The following ZNF268 variants were observed in gnomAD, a reference collection of about 807,000 sequenced individuals.
ZNF268 encodes zinc finger protein 3.
In ZNF268, 20 loss-of-function variants were observed where a neutral mutation model predicts 29.3. The ratio of observed to expected loss-of-function variants is 0.68; its 90% confidence interval spans 0.48 to 0.99. The LOEUF (loss-of-function observed/expected upper bound fraction) is 0.99, where lower values mean the gene tolerates loss of function less well. Ranked by LOEUF, ZNF268 falls within the 50% of genes least tolerant of loss-of-function variation. ZNF268 has a pLI of 0.00. For synonymous variants in ZNF268, 429 were observed against 376.9 expected, an observed-to-expected ratio of 1.14 and a Z score of -1.60; for missense variants, 1,240 against 1,121.6, an observed-to-expected ratio of 1.11 and a Z score of -1.51.
chr12:133,186,656 G>T (rs1349034640), intron 2 of ZNF268, among the ~76,000 whole-genome samples: 1 of 151,988 alleles, frequency 6.6e-6, no homozygotes, highest in Non-Finnish European at 1.5e-5. Context: ...GGGATTACAG[G>T]CATGAGCCAC....
intron 1 of ZNF268, 34 bp downstream of exon 1, chr12:133,181,720 C>T: frequency 2.3e-6 from 1 of 433,672 alleles, no homozygotes; most frequent in Non-Finnish European, 4.2e-6. Flanking sequence ...GGCGGCGGGA[C>T]GGGACAGAAC....
chr12:133,212,445 TTA>T lies in ZNF268; in HGVS notation c.*7967_*7968del, dbSNP rs565059550. On this transcript the variant is annotated 3_prime_UTR_variant, in exon 6 of 6. Coordinates refer to ENST00000536435, the MANE Select transcript of ZNF268 (RefSeq NM_003415.3). ...CCAAGGGAGACTTTCATGTGTGATT[TTA>T]TATATATATATATATATATATATAT... 5.4e-3 allele frequency: 641 copies of T among 117,886 alleles called. 1 individual carries two copies. Among genetic ancestry groups the T allele is most frequent in the Non-Finnish European group, 8.2e-3 (440 of 53,798 alleles). The allele number at this position is 117,886 out of a possible 1,614,324, so 7.3% of individuals were successfully genotyped here.
intron 2 of ZNF268, among the ~76,000 whole-genome samples, chr12:133,187,656 A>G (rs1435331283): frequency 6.6e-6 from 1 of 152,028 alleles, no homozygotes; most frequent in Non-Finnish European, 1.5e-5. Context: ...TCGTACCTGT[A>G]TTTTTATCAT....
chr12:133,182,802 G>T (rs1438080068), intron 2 of ZNF268, among the ~76,000 whole-genome samples: 3 of 152,188 alleles, frequency 2.0e-5, no homozygotes, highest in African/African-American at 7.2e-5. Flanking sequence ...AATGGTGATA[G>T]TAGAGTTATA....
At chr12:133,190,681 T>TAAGA (rs1956446060) in intron 3 of ZNF268, among the ~76,000 whole-genome samples, 1 of 152,228 alleles carries the variant, frequency 6.6e-6, no homozygotes, top group African/African-American at 2.4e-5. Context: ...TCTTCTCTTC[T>TAAGA]GGGTACCAAT....
chr12:133,181,871 G>C (rs1956184742), intron 1 of ZNF268, 75 bp from the exon 2 acceptor site: 4 of 961,458 alleles, frequency 4.2e-6, no homozygotes, highest in Non-Finnish European at 6.5e-6. Context: ...AGGCAGCCCT[G>C]GTGCCTCGGA....
At position 133,191,930 on chromosome 12, in the gene ZNF268, TATC is replaced by T. The variant is rs1183962305; in HGVS notation, c.388_390del (p.Ile130del). On this transcript the variant is annotated inframe_deletion, in exon 5 of 6. Transcript: ENST00000536435. ...TAGGGTACCAACACACCAAACCTGA[TATC>T]ATCTTCAAGTTGGAACAAGGAGAAG... 2 of 1,614,002 alleles carry T rather than the reference TATC, an allele frequency of 1.2e-6. No homozygotes were observed. The highest frequency in any genetic ancestry group is 1.1e-5 in the South Asian group (1 of 91,096).
intron 5 of ZNF268, among the ~76,000 whole-genome samples, chr12:133,199,967 TC>T (rs1956710697): frequency 6.6e-6 from 1 of 152,182 alleles, no homozygotes; most frequent in Non-Finnish European, 1.5e-5. Context: ...GTTGATCCTT[TC>T]AAAAAACCAG....
At position 133,214,579 on chromosome 12, in the gene ZNF268, AT is replaced by A. The variant is rs1957029943; in HGVS notation, c.*10050del. 6.6e-6 allele frequency: 1 copy of A among 152,222 alleles called. No individual in the cohort carries two copies. Among genetic ancestry groups the A allele is most frequent in the Non-Finnish European group, 1.5e-5 (1 of 68,042 alleles). The allele number at this position is 152,222 out of a possible 1,614,324, so 9.4% of individuals were successfully genotyped here. A position where few individuals can be genotyped will look rare whatever the true frequency, so the allele number is the denominator to read the frequency against. On this transcript the variant is annotated 3_prime_UTR_variant, in exon 6 of 6. Coordinates refer to ENST00000536435, the MANE Select transcript of ZNF268 (RefSeq NM_003415.3). ...GGTCACATACTGTATGATACCACTTATATGAAATACCCAGAATGGGTAAATC... is the reference window on the plus strand; with the variant it reads ...GGTCACATACTGTATGATACCACTTAATGAAATACCCAGAATGGGTAAATC...
chr12:133,189,484 G>A (rs1956409311), intron 3 of ZNF268, among the ~76,000 whole-genome samples: 1 of 152,066 alleles, frequency 6.6e-6, no homozygotes, highest in Admixed American at 6.6e-5. Flanking sequence ...TAAAATGCTG[G>A]GAATACAGGT....
Position 133,204,193 on chromosome 12 carries a change from A to G in ZNF268, c.2507A>G (p.Tyr836Cys). 3.9e-6 allele frequency: 6 copies of G among 1,540,682 alleles called. No individual in the cohort carries two copies. Among genetic ancestry groups the G allele is most frequent in the Non-Finnish European group, 5.2e-6 (6 of 1,147,264 alleles). ...CGAACTCATGCAGGGGTCAACCCTT[A>G]TAAATGCAGTCAATGTGAGAAATCC... ...HERTHAGVNP[Y>C]KCSQCEKSFS... The change falls in exon 6 of 6, where the codon TAT (tyrosine) becomes TGT (cysteine). Residue 836 changes from tyrosine (Y) to cysteine (C), a missense_variant. Physicochemically the swap from Tyr to Cys is radical, Grantham distance 194. This residue lies in a region of ZNF268 where 1,177 missense variants were observed against 1,039.6 expected (regional missense o/e 1.13). Transcript: ENST00000536435.
intron 5 of ZNF268, among the ~76,000 whole-genome samples, chr12:133,197,083 A>G (rs1226200753): frequency 6.7e-6 from 1 of 149,140 alleles, no homozygotes; most frequent in Non-Finnish European, 1.5e-5. Context: ...CATGTGCACA[A>G]TGTCCAGGTT....
Position 133,181,735 on chromosome 12 carries a change from C to T in ZNF268, c.-53+49C>T, listed in dbSNP as rs1245821229. On this transcript the variant is annotated intron_variant, in intron 1 of 5. Coordinates refer to ENST00000536435, the MANE Select transcript of ZNF268 (RefSeq NM_003415.3). ...GGCGGCGGGACGGGACAGAACTAAT[C>T]TGCCTTAGCTCTCTCCTGCTGCTGA... 5 of 506,490 alleles carry T rather than the reference C, an allele frequency of 9.9e-6. No individual in the cohort carries two copies. The East Asian group carries it at 1.6e-4, about 16-fold the overall frequency. The allele number at this position is 506,490 out of a possible 1,614,324, so 31.4% of individuals were successfully genotyped here.
chr12:133,202,565 G>C lies in ZNF268; in HGVS notation c.879G>C (p.Val293=). The C allele has an allele frequency of 6.2e-7, 1 of 1,610,154 alleles. No homozygotes were observed. Among genetic ancestry groups the C allele is most frequent in the Non-Finnish European group, 8.5e-7 (1 of 1,177,968 alleles). The change falls in exon 6 of 6, where the codon GTG becomes GTC. Residue 293 remains valine, a synonymous_variant. Coordinates refer to ENST00000536435, the MANE Select transcript of ZNF268 (RefSeq NM_003415.3). ...KAFSSKSYLL[V]HQQTHAEEKP... is the part of the protein sequence containing the mutation. ...TCAGCAGCAAGTCATACCTTCTAGT[G>C]CATCAGCAAACTCATGCCGAAGAGA...
In ZNF268 at chr12:133,208,807, C is replaced by CA. The variant is rs1207975788; in HGVS notation, c.*4281dup. 2.0e-5 allele frequency: 3 copies of CA among 152,034 alleles called. No individual in the cohort carries two copies. The highest frequency in any genetic ancestry group is 6.6e-5 in the Admixed American group (1 of 15,262). The allele number at this position is 152,034 out of a possible 1,614,324, so 9.4% of individuals were successfully genotyped here. ...GATGTGATCGTGTAATTAGGAAACC[C>CA]AAAATAAACCACAAACAAATGTTTG... is the stretch of plus-strand genomic sequence containing the variant. On this transcript the variant is annotated 3_prime_UTR_variant, in exon 6 of 6. Coordinates refer to ENST00000536435, the MANE Select transcript of ZNF268 (RefSeq NM_003415.3).
chr12:133,194,402 C>G (rs1278447350), intron 5 of ZNF268, among the ~76,000 whole-genome samples: 9 of 152,204 alleles, frequency 5.9e-5, no homozygotes, highest in Admixed American at 5.2e-4. Context: ...AAGGGCCCAT[C>G]TAGGTATGTT....
chr12:133,184,672 G>A (rs1956262973), intron 2 of ZNF268: 2 of 448,238 alleles, frequency 4.5e-6, no homozygotes, highest in Non-Finnish European at 9.0e-6. Flanking sequence ...AGGCTGGAGT[G>A]CAGTGGCTAT....
rs1327632384 is a variant in ZNF268 at position 133,202,627 on chromosome 12, G to T, written c.941G>T (p.Ser314Ile). Residue 314 changes from serine (S) to isoleucine (I), a missense_variant, in exon 6 of 6, where the codon AGT (serine) becomes ATT (isoleucine). Around this residue, in one of 3 missense-constraint regions of ZNF268, gnomAD observed 1,177 missense variants for 1,039.6 expected, o/e 1.13. Coordinates refer to ENST00000536435, the MANE Select transcript of ZNF268 (RefSeq NM_003415.3). ...TGTAATGAATGTGGGAAAGACTTCA[G>T]TAGTAAATCATACCTCATTGTACAT... The part of the protein sequence containing the change: ...YGCNECGKDF[S>I]SKSYLIVHQR... The T allele has an allele frequency of 6.2e-7, 1 of 1,605,216 alleles. No individual in the cohort carries two copies. Among genetic ancestry groups the T allele is most frequent in the South Asian group, 1.1e-5 (1 of 90,116 alleles).
rs761217405 is a variant in ZNF268 at position 133,181,935 on chromosome 12, C to G, written c.-52-11C>G. On this transcript the variant is annotated splice_polypyrimidine_tract_variant and intron_variant, in intron 1 of 5. Coordinates refer to ENST00000536435, the MANE Select transcript of ZNF268 (RefSeq NM_003415.3). ...GGGTGACCTCTTTCTTCACTGTGCT[C>G]TCTCTTCTAGCATCCCTCGCGTCCT... 6.5e-7 allele frequency: 1 copy of G among 1,539,172 alleles called. No homozygotes were observed. The highest frequency in any genetic ancestry group is 1.4e-5 in the African/African-American group (1 of 72,874).
Sources: gnomAD v4.1 joint callset for allele counts (sites outside exome capture counted in the v4.1 genomes callset) on GRCh38, gnomAD v4.1.1 for gene constraint, gnomAD v4.1.1 regional missense constraint, MANE v1.5 for transcripts, NCBI Gene and HGNC (gene_info 2026-07-23, HGNC 2026-07-21) for gene names.